Variants in SPAG16 observed in about 807,000 individuals in gnomAD.
The protein encoded by SPAG16 is sperm associated antigen 16, also known as sperm-associated antigen 16 protein.
A neutral mutation model predicts 80.4 loss-of-function variants in SPAG16; 86 were observed. The ratio of observed to expected loss-of-function variants is 1.07; its 90% confidence interval spans 0.90 to 1.28. The LOEUF (loss-of-function observed/expected upper bound fraction) is 1.28. Among genes scored for constraint, SPAG16 ranks in the 50% most tolerant of loss-of-function variants. SPAG16 has a pLI of 0.00. For missense variants in SPAG16, 870 were observed against 765.3 expected, an observed-to-expected ratio of 1.14 and a Z score of -1.61; for synonymous variants, 294 against 265.9, an observed-to-expected ratio of 1.11 and a Z score of -1.03.
intron 15 of SPAG16, among the ~76,000 whole-genome samples, chr2:214,332,314 T>G (rs893286205): frequency 6.6e-6 from 1 of 152,174 alleles, no homozygotes; most frequent in African/African-American, 2.4e-5. Flanking sequence ...CTTTGAAGAA[T>G]TTTTCTGTAT....
At chr2:213,782,657 T>G (rs2125586329) in intron 10 of SPAG16, among the ~76,000 whole-genome samples, 1 of 152,334 alleles carries the variant, frequency 6.6e-6, no homozygotes, top group East Asian at 1.9e-4. Context: ...CAAGTGGTTA[T>G]GGTAGGTTTT....
At chr2:214,143,708 A>G (rs1458918541) in intron 14 of SPAG16, among the ~76,000 whole-genome samples, 2 of 152,198 alleles carry the variant, frequency 1.3e-5, no homozygotes, top group African/African-American at 4.8e-5. Context: ...AAAATCAAAT[A>G]CCTAACATGT....
intron 15 of SPAG16, among the ~76,000 whole-genome samples, chr2:214,278,018 G>C (rs1203186793): frequency 6.6e-6 from 1 of 152,228 alleles, no homozygotes; most frequent in Non-Finnish European, 1.5e-5. Flanking sequence ...AGCAATGGCG[G>C]ATGCCCCTCC....
At chr2:214,256,250 T>A (rs1416180913) in intron 15 of SPAG16, among the ~76,000 whole-genome samples, 1 of 151,938 alleles carries the variant, frequency 6.6e-6, no homozygotes, top group African/African-American at 2.4e-5. Flanking sequence ...ACACCTTTTT[T>A]AATGATGAAC....
At chr2:214,005,896 G>C (rs1270053612) in intron 12 of SPAG16, among the ~76,000 whole-genome samples, 1 of 152,114 alleles carries the variant, frequency 6.6e-6, no homozygotes, top group Non-Finnish European at 1.5e-5. Context: ...TGGATGTTAT[G>C]AATTGCAGTC....
intron 10 of SPAG16, among the ~76,000 whole-genome samples, chr2:213,566,002 C>G (rs779418006): frequency 8.6e-5 from 13 of 152,034 alleles, no homozygotes; most frequent in Non-Finnish European, 1.9e-4. Flanking sequence ...ATTCATTAGC[C>G]CAGGAGAATG....
chr2:213,290,766 A>G (rs1324817095), intron 1 of SPAG16, among the ~76,000 whole-genome samples: 1 of 152,238 alleles, frequency 6.6e-6, no homozygotes. Context: ...GCTCCGTGAA[A>G]GTAGAACCAG....
intron 13 of SPAG16, among the ~76,000 whole-genome samples, chr2:214,030,633 G>C (rs536011100): frequency 1.3e-5 from 2 of 152,146 alleles, no homozygotes; most frequent in Non-Finnish European, 2.9e-5. Context: ...GTTAATTTAA[G>C]TCTATGAGTC....
intron 15 of SPAG16, among the ~76,000 whole-genome samples, chr2:214,360,177 G>A (rs1344432796): frequency 2.0e-5 from 3 of 151,836 alleles, no homozygotes; most frequent in Admixed American, 2.0e-4. Context: ...AGCATCAGGA[G>A]TTTCCCTTTA....
chr2:214,112,085 G>A (rs1021940203), intron 14 of SPAG16, among the ~76,000 whole-genome samples: 38 of 151,994 alleles, frequency 2.5e-4, no homozygotes, highest in African/African-American at 8.7e-4. Context: ...GACAATTCAG[G>A]AGCAGGTTGT....
At chr2:213,416,979 C>G (rs942920121) in intron 9 of SPAG16, among the ~76,000 whole-genome samples, 1 of 152,176 alleles carries the variant, frequency 6.6e-6, no homozygotes, top group Non-Finnish European at 1.5e-5. Flanking sequence ...TTTCAGCAGG[C>G]TCTAAGCTGT....
intron 10 of SPAG16, among the ~76,000 whole-genome samples, chr2:213,760,130 T>C (rs2068574212): frequency 6.6e-6 from 1 of 152,048 alleles, no homozygotes; most frequent in Non-Finnish European, 1.5e-5. Context: ...AATGAGCTAA[T>C]CAAAAGACTG....
intron 15 of SPAG16, among the ~76,000 whole-genome samples, chr2:214,342,380 C>A (rs1336727707): frequency 1.3e-5 from 2 of 152,178 alleles, no homozygotes; most frequent in Non-Finnish European, 2.9e-5. Flanking sequence ...ACAGTACATT[C>A]TTGCACTAGT....
chr2:213,454,896 G>T (rs191413384), intron 9 of SPAG16, among the ~76,000 whole-genome samples: 106 of 152,238 alleles, frequency 7.0e-4, no homozygotes, highest in South Asian at 2.3e-3. Flanking sequence ...CTTTCCATCT[G>T]TTAGACACAC....
intron 9 of SPAG16, among the ~76,000 whole-genome samples, chr2:213,462,799 G>A (rs183254235): frequency 1.1e-4 from 17 of 152,138 alleles, no homozygotes; most frequent in African/African-American, 3.1e-4. Context: ...ACCCAGTCTC[G>A]GGTATTTCTT....
intron 9 of SPAG16, among the ~76,000 whole-genome samples, chr2:213,417,767 AT>A (rs1427978597): frequency 6.6e-6 from 1 of 152,106 alleles, no homozygotes; most frequent in Admixed American, 6.6e-5. Flanking sequence ...ATAAAAATAT[AT>A]TTTTATATGA....
intron 15 of SPAG16, among the ~76,000 whole-genome samples, chr2:214,287,710 A>G (rs1342205611): frequency 6.6e-6 from 1 of 152,234 alleles, no homozygotes; most frequent in East Asian, 1.9e-4. Context: ...ACATCTTGGA[A>G]ATGGATTTGA....
intron 12 of SPAG16, among the ~76,000 whole-genome samples, chr2:213,991,153 A>AG (rs559495188): frequency 5.7e-4 from 86 of 151,850 alleles, no homozygotes; most frequent in Non-Finnish European, 1.2e-3. Flanking sequence ...TCTCTCCCCT[A>AG]GCCCCCACTC....
intron 10 of SPAG16, among the ~76,000 whole-genome samples, chr2:213,616,102 C>T (rs1203740073): frequency 6.6e-6 from 1 of 152,214 alleles, no homozygotes; most frequent in Non-Finnish European, 1.5e-5. Context: ...GATTAGGAAA[C>T]TGGAGATCAA....
Sources: allele counts gnomAD v4.1 joint callset (sites outside exome capture counted in the v4.1 genomes callset), GRCh38; gene constraint gnomAD v4.1.1; transcripts MANE v1.5; gene names NCBI Gene and HGNC (gene_info 2026-07-23, HGNC 2026-07-21).